The following KIAA1671 variants were observed in gnomAD, a reference collection of about 807,000 sequenced individuals.
KIAA1671 encodes KIAA1671, also known as uncharacterized protein KIAA1671.
Under a neutral mutation model 131.2 loss-of-function variants are expected in KIAA1671, and 52 were observed. The observed-to-expected ratio is 0.40, with a 90% CI of 0.32 to 0.50. The LOEUF (loss-of-function observed/expected upper bound fraction) is 0.50, where lower values mean the gene tolerates loss of function less well. KIAA1671 is among the 20% of genes least tolerant of loss of function. The pLI is 0.73. For synonymous variants in KIAA1671, 1,003 were observed against 961.6 expected, an observed-to-expected ratio of 1.04 and a Z score of -0.80; for missense variants, 2,360 against 2,364.2, an observed-to-expected ratio of 1.00 and a Z score of 0.04.
intron 6 of KIAA1671, among the ~76,000 whole-genome samples, chr22:25,149,206 C>T (rs1932958748): frequency 1.3e-5 from 2 of 152,166 alleles, no homozygotes; most frequent in Admixed American, 6.5e-5. Flanking sequence ...GGTGACTTGC[C>T]CAAGGCTGCA....
chr22:25,053,115 G>A (rs1324215720), intron 6 of KIAA1671: 1 of 152,154 alleles, frequency 6.6e-6, no homozygotes, highest in East Asian at 1.9e-4. Flanking sequence ...AAGTTTTTCT[G>A]CAGTTGAGGA....
At chr22:25,149,887 A>G (rs1932977423) in intron 6 of KIAA1671, among the ~76,000 whole-genome samples, 3 of 152,116 alleles carry the variant, frequency 2.0e-5, no homozygotes, top group Admixed American at 2.0e-4. Flanking sequence ...TAAAGACTCA[A>G]CACAAAAGTC....
chr22:24,992,814 CAAAAAAAAAAAAA>C (rs761181079), intron 1 of KIAA1671, among the ~76,000 whole-genome samples: 1 of 57,382 alleles, frequency 1.7e-5, no homozygotes, highest in Non-Finnish European at 2.9e-5. Context: ...GACTCCGTCT[CAAAAAAAAAAAAA>C]AAAAAAAAAA....
At chr22:25,072,883 G>GGAGGT (rs1928904689) in intron 6 of KIAA1671, among the ~76,000 whole-genome samples, 1 of 152,172 alleles carries the variant, frequency 6.6e-6, no homozygotes, top group Non-Finnish European at 1.5e-5. Context: ...AGAGCCAGGT[G>GGAGGT]GAGGTGCTCG....
chr22:24,956,846 T>C (rs1042923968), intron 1 of KIAA1671, among the ~76,000 whole-genome samples: 9 of 132,090 alleles, frequency 6.8e-5, no homozygotes, highest in Non-Finnish European at 1.4e-4. Context: ...CACTCCAGCC[T>C]GGGCGAGAGA....
intron 12 of KIAA1671, among the ~76,000 whole-genome samples, chr22:25,192,079 T>C (rs1934688040): frequency 6.6e-6 from 1 of 152,160 alleles, no homozygotes; most frequent in Non-Finnish European, 1.5e-5. Flanking sequence ...GGATAAGGGA[T>C]CGGGACCTGT....
intron 1 of KIAA1671, among the ~76,000 whole-genome samples, chr22:24,959,565 T>TAC (rs71739745): frequency 0.17 from 26,053 of 150,988 alleles, 2,920 homozygotes; most frequent in East Asian, 0.63. Context: ...TCGAGGCACA[T>TAC]ACACACACAC....
intron 12 of KIAA1671, 69 bp from the exon 13 acceptor site, chr22:25,192,337 A>C (rs1934695326): frequency 6.6e-6 from 1 of 152,146 alleles, no homozygotes; most frequent in Admixed American, 6.5e-5. Flanking sequence ...GATTTTAAGG[A>C]CTGAGGGTAG....
intron 6 of KIAA1671, among the ~76,000 whole-genome samples, chr22:25,119,699 G>C (rs963281888): frequency 6.6e-6 from 1 of 152,228 alleles, no homozygotes; most frequent in African/African-American, 2.4e-5. Flanking sequence ...CTTCTCAGGA[G>C]GTGACATTGG....
At chr22:24,993,336 G>A (rs886925588) in intron 1 of KIAA1671, among the ~76,000 whole-genome samples, 2 of 152,132 alleles carry the variant, frequency 1.3e-5, no homozygotes, top group African/African-American at 2.4e-5. Context: ...GACCCTGTCC[G>A]TTGTCTTCTC....
intron 1 of KIAA1671, among the ~76,000 whole-genome samples, chr22:24,959,557 G>A (rs1463713195): frequency 2.0e-5 from 3 of 147,640 alleles, no homozygotes; most frequent in Non-Finnish European, 4.5e-5. Context: ...ACAAACAATC[G>A]AGGCACATAC....
In KIAA1671 at chr22:25,029,151, T is replaced by C; in HGVS notation, c.1152T>C (p.Ser384=). The C allele has an allele frequency of 1.4e-6, 2 of 1,454,850 alleles. No individual in the cohort carries two copies. The highest frequency in any genetic ancestry group is 1.8e-6 in the Non-Finnish European group (2 of 1,101,090). 90.1% of individuals were successfully genotyped at this position (1,454,850 alleles called of 1,614,324 possible). The change falls in exon 3 of 13, where the codon AGT becomes AGC. Residue 384 remains serine (S), a synonymous_variant. Coordinates refer to ENST00000358431, the MANE Select transcript of KIAA1671 (RefSeq NM_001145206.2). ...GGGTCACCCCCAGCAATGACCAGAG[T>C]CCCTGGGAAGAAAAGGCCAAGCTGG... ...SSGVTPSNDQ[S]PWEEKAKLDP... is the part of the protein sequence containing the mutation.
At chr22:25,029,629 CA>C (rs1926163891) in intron 3 of KIAA1671, 89 bp downstream of exon 3, 2 of 950,694 alleles carry the variant, frequency 2.1e-6, no homozygotes, top group Non-Finnish European at 3.0e-6. Context: ...GGGCACTTGT[CA>C]CCCCCCCTCA....
intron 5 of KIAA1671, among the ~76,000 whole-genome samples, chr22:25,047,556 T>G (rs1331183639): frequency 6.7e-6 from 1 of 148,924 alleles, no homozygotes; most frequent in Non-Finnish European, 1.5e-5. Context: ...CACTGCAATC[T>G]CCACCTCCTG....
At chr22:25,000,211 T>TTTAAATGTA (rs1275472771) in intron 1 of KIAA1671, among the ~76,000 whole-genome samples, 3 of 73,776 alleles carry the variant, frequency 4.1e-5, no homozygotes, top group Admixed American at 1.3e-4. Flanking sequence ...TTTTTTTTTT[T>TTTAAATGTA]GAGACGGAGT....
chr22:24,961,911 C>T (rs1431258184), intron 1 of KIAA1671, among the ~76,000 whole-genome samples: 1 of 152,154 alleles, frequency 6.6e-6, no homozygotes, highest in Non-Finnish European at 1.5e-5. Flanking sequence ...AGCAGAGGCT[C>T]TGGGTAAGGA....
intron 6 of KIAA1671, chr22:25,052,660 A>G (rs1035142945): frequency 6.6e-5 from 10 of 152,118 alleles, no homozygotes; most frequent in Non-Finnish European, 1.5e-4. Context: ...TGATGCTTAC[A>G]AAGCTCTTAG....
chr22:25,167,541 C>T (rs1049871323), intron 6 of KIAA1671, among the ~76,000 whole-genome samples: 4 of 152,276 alleles, frequency 2.6e-5, no homozygotes, highest in African/African-American at 7.2e-5. Flanking sequence ...GAGAAAATTC[C>T]GGGCAGGACT....
chr22:25,014,225 A>G (rs1335246522), intron 1 of KIAA1671: 2 of 152,224 alleles, frequency 1.3e-5, no homozygotes, highest in Admixed American at 6.5e-5. Context: ...AAACTGCTGT[A>G]TAGGGTGTAT....
Sources: allele counts gnomAD v4.1 joint callset (sites outside exome capture counted in the v4.1 genomes callset), GRCh38; gene constraint gnomAD v4.1.1; transcripts MANE v1.5; gene names NCBI Gene and HGNC (gene_info 2026-07-23, HGNC 2026-07-21).